Variants in TAF4 observed in about 807,000 individuals in gnomAD.
TAF4 encodes TATA-box binding protein associated factor 4.
TAF4 carries 9 observed loss-of-function variants against 90.3 expected under a neutral mutation model. That is an observed-to-expected ratio of 0.10 (90% confidence interval 0.06 to 0.17). TAF4 has a LOEUF of 0.17. Ranked by LOEUF, TAF4 falls within the 10% of genes least tolerant of loss-of-function variation. TAF4 has a pLI of 1.00. For missense variants in TAF4, 1,351 were observed against 1,370.7 expected (o/e 0.99, Z 0.23); for synonymous variants, 818 against 638.9 (o/e 1.28, Z -4.23).
At chr20:61,979,502 G>A (rs1028782129) in intron 14 of TAF4, among the ~76,000 whole-genome samples, 3 of 145,012 alleles carry the variant, frequency 2.1e-5, no homozygotes, top group Non-Finnish European at 3.0e-5. Context: ...CCGTGCAGGC[G>A]CCATGGCCAC....
intron 14 of TAF4, among the ~76,000 whole-genome samples, chr20:61,995,429 T>C (rs2055657189): frequency 6.6e-6 from 1 of 152,168 alleles, no homozygotes; most frequent in South Asian, 2.1e-4. Flanking sequence ...GACACATCAG[T>C]AGACATCTTC....
chr20:62,001,104 G>A (rs897373749), intron 9 of TAF4, among the ~76,000 whole-genome samples: 5 of 152,240 alleles, frequency 3.3e-5, no homozygotes, highest in Non-Finnish European at 7.3e-5. Flanking sequence ...GTTGGAAGAA[G>A]AGTACGCACA....
chr20:62,004,323 C>CT (rs1434356168), intron 7 of TAF4, among the ~76,000 whole-genome samples: 1,366 of 113,766 alleles, frequency 0.012, 25 homozygotes, highest in African/African-American at 0.039. Flanking sequence ...TTTTTCTTTT[C>CT]TTTTCTTTTT....
At chr20:62,022,448 T>A (rs1600848219) in intron 1 of TAF4, among the ~76,000 whole-genome samples, 1 of 152,156 alleles carries the variant, frequency 6.6e-6, no homozygotes, top group East Asian at 1.9e-4. Flanking sequence ...TTCCCTGCAG[T>A]GGAAAGGGGT....
At chr20:62,033,475 G>A (rs1445336057) in intron 1 of TAF4, among the ~76,000 whole-genome samples, 1 of 152,192 alleles carries the variant, frequency 6.6e-6, no homozygotes, top group Non-Finnish European at 1.5e-5. Flanking sequence ...GGTAGCTCAC[G>A]CCAGTAATCC....
At chr20:62,023,616 C>T (rs138915430) in intron 1 of TAF4, among the ~76,000 whole-genome samples, 3,983 of 151,078 alleles carry the variant, frequency 0.026, 181 homozygotes, top group African/African-American at 0.092. Context: ...GGCGTGGTGG[C>T]GCACACCTGT....
At chr20:62,039,024 G>A (rs1568939406) in intron 1 of TAF4, among the ~76,000 whole-genome samples, 1 of 152,208 alleles carries the variant, frequency 6.6e-6, no homozygotes, top group Non-Finnish European at 1.5e-5. Flanking sequence ...CTGCACTCCA[G>A]GAAAAGATGT....
chr20:62,062,701 G>A (rs1478798321), intron 1 of TAF4, among the ~76,000 whole-genome samples: 1 of 152,140 alleles, frequency 6.6e-6, no homozygotes, highest in African/African-American at 2.4e-5. Context: ...AGATGGAAGT[G>A]AGTCCCAGGA....
At position 62,064,785 on chromosome 20, in the gene TAF4, GACCCCCGGCGCCGGCGCCGCA is replaced by G; in HGVS notation, c.1005_1025del (p.Ala336_Val342del). The G allele has an allele frequency of 2.8e-6, 3 of 1,067,118 alleles. No homozygotes were observed. The highest frequency in any genetic ancestry group is 1.1e-6 in the Non-Finnish European group (1 of 884,614). The allele number at this position is 1,067,118 out of a possible 1,614,324, so 66.1% of individuals were successfully genotyped here. On this transcript the variant is annotated inframe_deletion, in exon 1 of 15. Transcript: ENST00000252996. ...CCACCCTCTTGGGCGACTCGGCCTT[GACCCCCGGCGCCGGCGCCGCA>G]GCCGCCGCGCCGGGCCCGGGTTGGC...
intron 11 of TAF4, 110 bp from the exon 12 acceptor site, chr20:61,999,218 T>C: frequency 2.1e-6 from 3 of 1,420,764 alleles, no homozygotes; most frequent in Non-Finnish European, 2.9e-6. Context: ...CTCCGTCCAG[T>C]CTGAATGCGG....
intron 1 of TAF4, among the ~76,000 whole-genome samples, chr20:62,062,936 A>G (rs2056097634): frequency 6.6e-6 from 1 of 152,254 alleles, no homozygotes; most frequent in African/African-American, 2.4e-5. Flanking sequence ...TTATAAATAA[A>G]GCATTGTGAC....
At position 62,006,062 on chromosome 20, in the gene TAF4, C is replaced by A. The variant is rs1946679662; in HGVS notation, c.2223+448G>T. The stretch of plus-strand genomic sequence containing the variant: ...AGTGAACCGCTATGAGCAGCCGCGG[C>A]TTCGCCTCCCGGGACTCACCTAAAT... On this transcript the variant is annotated intron_variant, in intron 7 of 14. Transcript: ENST00000252996. The surrounding 1 kb of genome is among the most constrained non-coding windows in gnomAD (Gnocchi z 7.0). 6.3e-6 allele frequency: 1 copy of A among 157,532 alleles called. No homozygotes were observed. Among genetic ancestry groups the A allele is most frequent in the Admixed American group, 6.5e-5 (1 of 15,446 alleles). The allele number at this position is 157,532 out of a possible 1,614,324, so 9.8% of individuals were successfully genotyped here. A position where few individuals can be genotyped will look rare whatever the true frequency, so the allele number is the denominator to read the frequency against.
chr20:61,998,263 T>C (rs1756028278), intron 12 of TAF4, 71 bp from the exon 13 acceptor site: 1 of 1,489,616 alleles, frequency 6.7e-7, no homozygotes, highest in Admixed American at 1.9e-5. Flanking sequence ...AAATGTGTTA[T>C]CTTATTTACT....
intron 1 of TAF4, among the ~76,000 whole-genome samples, chr20:62,064,027 G>C (rs2056105847): frequency 6.6e-6 from 1 of 152,234 alleles, no homozygotes; most frequent in Non-Finnish European, 1.5e-5. Context: ...GCAGGGGACA[G>C]CTGCTGCCAC....
chr20:61,999,876 G>C (rs1254839583), intron 11 of TAF4, among the ~76,000 whole-genome samples: 1 of 152,230 alleles, frequency 6.6e-6, no homozygotes, highest in Non-Finnish European at 1.5e-5. Context: ...TTGAACCCAC[G>C]AGGCGGAGGC....
chr20:62,018,862 C>T (rs1335836768), intron 1 of TAF4, among the ~76,000 whole-genome samples: 1 of 152,232 alleles, frequency 6.6e-6, no homozygotes, highest in African/African-American at 2.4e-5. Flanking sequence ...CAGGTGGTGA[C>T]GGGATGGGGC....
intron 1 of TAF4, among the ~76,000 whole-genome samples, chr20:62,034,936 T>G (rs2055924321): frequency 6.6e-6 from 1 of 151,562 alleles, no homozygotes. Context: ...TTCTCCTGCC[T>G]CAGCCTCCCG....
intron 1 of TAF4, among the ~76,000 whole-genome samples, chr20:62,035,203 G>A (rs573127636): frequency 6.8e-4 from 104 of 152,152 alleles, no homozygotes; most frequent in Non-Finnish European, 1.2e-3. Context: ...TATGGGCCCC[G>A]AAGAGTTGAT....
At chr20:62,045,869 C>G (rs113244481) in intron 1 of TAF4, among the ~76,000 whole-genome samples, 2 of 152,228 alleles carry the variant, frequency 1.3e-5, no homozygotes, top group Non-Finnish European at 2.9e-5. Context: ...CACACAGCTC[C>G]TCATTTGTGT....
Sources: allele counts gnomAD v4.1 joint callset (sites outside exome capture counted in the v4.1 genomes callset), GRCh38; gene constraint gnomAD v4.1.1; non-coding constraint Gnocchi (gnomAD v3.1); transcripts MANE v1.5; gene names NCBI Gene and HGNC (gene_info 2026-07-23, HGNC 2026-07-21).